Variants in TLX2 observed in about 807,000 individuals in gnomAD.
TLX2 encodes the protein T cell leukemia homeobox 2.
A neutral mutation model predicts 21.7 loss-of-function variants in TLX2; 15 were observed. The observed-to-expected ratio is 0.69, with a 90% CI of 0.46 to 1.07. The LOEUF is 1.07. Among genes scored for constraint, TLX2 ranks in the 50% least tolerant of loss-of-function variants. TLX2 has a pLI of 0.00. For missense variants in TLX2, 384 were observed against 409.1 expected (o/e 0.94, Z 0.53); for synonymous variants, 213 against 193.1 (o/e 1.10, Z -0.85).
rs776963782 is a variant in TLX2, at chr2:74,514,871, A to G, written c.65A>G (p.Asp22Gly). 3 of 1,612,926 alleles carry G rather than the reference A, an allele frequency of 1.9e-6. No individual in the cohort carries two copies. The highest frequency in any genetic ancestry group is 2.5e-6 in the Non-Finnish European group (3 of 1,179,626). ...CACGAGCCAATCAGCTTCGGCATCG[A>G]TCAGATCCTGAGCGGCCCCGAAACC... is the stretch of plus-strand genomic sequence containing the variant. ...PHHEPISFGIDQILSGPETPG... is the reference protein window; with the variant it reads ...PHHEPISFGIGQILSGPETPG... The change falls in exon 1 of 3, where the codon GAT becomes GGT. Residue 22 changes from aspartate to glycine, a missense_variant. Coordinates refer to ENST00000233638, the MANE Select transcript of TLX2 (RefSeq NM_016170.5). The surrounding 1 kb of genome is among the most constrained non-coding windows in gnomAD (Gnocchi z 5.0).
rs1674835316 is a variant in TLX2 at position 74,514,723 on chromosome 2, G to T, written c.-84G>T. On this transcript the variant is annotated 5_prime_UTR_variant, in exon 1 of 3. Transcript: ENST00000233638. This position sits in a 1 kb window ranked among gnomAD's most constrained non-coding sequence, Gnocchi z 5.0. ...CGGGCCCCTGAGGCCACTCTCCGGA[G>T]CGCGCCGCCGCTGGGCTTCTGGCGC... The T allele has an allele frequency of 3.8e-6, 6 of 1,583,012 alleles. No individual in the cohort carries two copies. Among genetic ancestry groups the T allele is most frequent in the Non-Finnish European group, 4.3e-6 (5 of 1,165,846 alleles).
Position 74,516,377 on chromosome 2 carries a change from C to A in TLX2, c.*188C>A. On this transcript the variant is annotated 3_prime_UTR_variant, in exon 3 of 3. Transcript: ENST00000233638. Reference sequence around the variant, plus strand: ...CGCAGATGCACGGCCAGCTCAGAGGCGGCCTTTCCCGCCATTTTTCACTTC... The same window carrying A: ...CGCAGATGCACGGCCAGCTCAGAGGAGGCCTTTCCCGCCATTTTTCACTTC... The A allele has an allele frequency of 2.0e-6, 3 of 1,475,364 alleles. No individual in the cohort carries two copies. The highest frequency in any genetic ancestry group is 1.8e-6 in the Non-Finnish European group (2 of 1,118,796). The allele number at this position is 1,475,364 out of a possible 1,614,324, so 91.4% of individuals were successfully genotyped here. A position where few individuals can be genotyped will look rare whatever the true frequency, so the allele number is the denominator to read the frequency against.
chr2:74,515,314 C>T lies in TLX2; in HGVS notation c.400+108C>T. On this transcript the variant is annotated intron_variant, in intron 1 of 2. Transcript: ENST00000233638. This position sits in a 1 kb window ranked among gnomAD's most constrained non-coding sequence, Gnocchi z 6.6. ...ACCCCTTTCACACCTCCCACTAGAT[C>T]CTCCCAGGGGATCCTCCCCCAACTC... 6.6e-7 allele frequency: 1 copy of T among 1,521,010 alleles called. No homozygotes were observed. Among genetic ancestry groups the T allele is most frequent in the Non-Finnish European group, 8.8e-7 (1 of 1,138,140 alleles). The allele number at this position is 1,521,010 out of a possible 1,614,324, so 94.2% of individuals were successfully genotyped here.
Position 74,516,417 on chromosome 2 carries a change from C to A in TLX2, c.*228C>A. On this transcript the variant is annotated 3_prime_UTR_variant, in exon 3 of 3. Transcript: ENST00000233638. ...TTTTTCACTTCACTGCCGTTACGCC[C>A]TCGCTGGAACCTGAGGCGCCGAGAG... 1.4e-6 allele frequency: 2 copies of A among 1,426,044 alleles called. No individual in the cohort carries two copies. Among genetic ancestry groups the A allele is most frequent in the Non-Finnish European group, 1.8e-6 (2 of 1,089,184 alleles). The allele number at this position is 1,426,044 out of a possible 1,614,324, so 88.3% of individuals were successfully genotyped here. A position where few individuals can be genotyped will look rare whatever the true frequency, so the allele number is the denominator to read the frequency against.
In TLX2 at chr2:74,516,225, C is replaced by T. The variant is rs574005520; in HGVS notation, c.*36C>T. ...TCCGATCGGCGTGGAGCGCCGGGCC[C>T]GGAGCGGTGGAGCGCGCGGCTGCCT... On this transcript the variant is annotated 3_prime_UTR_variant, in exon 3 of 3. Transcript: ENST00000233638. 3 of 1,592,364 alleles carry T rather than the reference C, an allele frequency of 1.9e-6. No individual in the cohort carries two copies. The highest frequency in any genetic ancestry group is 1.3e-5 in the African/African-American group (1 of 74,466).
rs778670163 is a variant in TLX2 at position 74,516,045 on chromosome 2, C to A, written c.711C>A (p.Asp237Glu). 1.3e-6 allele frequency: 2 copies of A among 1,575,132 alleles called. No individual in the cohort carries two copies. Among genetic ancestry groups the A allele is most frequent in the Non-Finnish European group, 1.7e-6 (2 of 1,167,484 alleles). Residue 237 changes from aspartate (D) to glutamate (E), a missense_variant, in exon 3 of 3, where the codon GAC becomes GAA. By Grantham distance (45) the Asp-to-Glu change is conservative (BLOSUM62 2). Coordinates refer to ENST00000233638, the MANE Select transcript of TLX2 (RefSeq NM_016170.5). The part of the protein sequence containing the change: ...AGRLLLHLQQ[D>E]ALPRPLRPPL... ...GGCTGCTCCTGCATCTGCAGCAGGACGCGTTGCCACGGCCGCTGCGGCCGC... is the reference window on the plus strand; with the variant it reads ...GGCTGCTCCTGCATCTGCAGCAGGAAGCGTTGCCACGGCCGCTGCGGCCGC...
In TLX2 at chr2:74,516,533, C is replaced by T. The variant is rs1002299434; in HGVS notation, c.*344C>T. ...GCTTTCCTGAGGGACTCGAAATTCT[C>T]CGGCGGGTGGTCGGGAGCTGGGGCT... On this transcript the variant is annotated 3_prime_UTR_variant, in exon 3 of 3. Transcript: ENST00000233638. The T allele has an allele frequency of 1.7e-6, 2 of 1,198,630 alleles. No homozygotes were observed. Among genetic ancestry groups the T allele is most frequent in the African/African-American group, 1.6e-5 (1 of 60,868 alleles). 74.2% of individuals were successfully genotyped at this position (1,198,630 alleles called of 1,614,324 possible).
In TLX2 at chr2:74,515,674, C is replaced by T. The variant is rs1217839303; in HGVS notation, c.442C>T (p.Pro148Ser). The T allele has an allele frequency of 6.2e-7, 1 of 1,613,770 alleles. No homozygotes were observed. The highest frequency in any genetic ancestry group is 8.5e-7 in the Non-Finnish European group (1 of 1,179,898). ...CTCTGGGACGCGCCGCATAGGCCAC[C>T]CCTACCAAAACCGGACCCCTCCGAA... is the stretch of plus-strand genomic sequence containing the variant. Reference protein sequence around the residue: ...PFSGTRRIGHPYQNRTPPKRK... With the variant: ...PFSGTRRIGHSYQNRTPPKRK... The change falls in exon 2 of 3, where the codon CCC becomes TCC. Residue 148 changes from proline (P) to serine (S), a missense_variant. Pro to Ser is a moderately conservative substitution (Grantham distance 74). Coordinates refer to ENST00000233638, the MANE Select transcript of TLX2 (RefSeq NM_016170.5). The surrounding 1 kb of genome is among the most constrained non-coding windows in gnomAD (Gnocchi z 6.6).
chr2:74,515,914 G>C lies in TLX2; in HGVS notation c.638+44G>C, dbSNP rs1674872529. 3 of 1,560,658 alleles carry C rather than the reference G, an allele frequency of 1.9e-6. No individual in the cohort carries two copies. The highest frequency in any genetic ancestry group is 2.6e-6 in the Non-Finnish European group (3 of 1,155,608). ...GAGGGCGGACTGGGGTTCCCGAGCA[G>C]GGCCTGGTGAGAAGCGACGCGGCGG... On this transcript the variant is annotated intron_variant, in intron 2 of 2. Transcript: ENST00000233638. This position sits in a 1 kb window ranked among gnomAD's most constrained non-coding sequence, Gnocchi z 6.6.
In TLX2 at chr2:74,515,952, C is replaced by A; in HGVS notation, c.639-21C>A. ...AGCGACGCGGCGGGCGCCCCGCTGA[C>A]CCCGCGTCTCCCTCCCTTAGGCGCC... On this transcript the variant is annotated intron_variant, in intron 2 of 2. Transcript: ENST00000233638. The surrounding 1 kb of genome is among the most constrained non-coding windows in gnomAD (Gnocchi z 6.6). The A allele has an allele frequency of 6.8e-7, 1 of 1,478,186 alleles. No homozygotes were observed. 91.6% of individuals were successfully genotyped at this position (1,478,186 alleles called of 1,614,324 possible).
In TLX2 at chr2:74,514,518, A is replaced by C; in HGVS notation, c.-289A>C. The C allele has an allele frequency of 7.9e-7, 1 of 1,269,868 alleles. No individual in the cohort carries two copies. The highest frequency in any genetic ancestry group is 4.4e-5 in the East Asian group (1 of 22,984). The allele number at this position is 1,269,868 out of a possible 1,614,324, so 78.7% of individuals were successfully genotyped here. A position where few individuals can be genotyped will look rare whatever the true frequency, so the allele number is the denominator to read the frequency against. On this transcript the variant is annotated 5_prime_UTR_variant, in exon 1 of 3. Transcript: ENST00000233638. The surrounding 1 kb of genome is among the most constrained non-coding windows in gnomAD (Gnocchi z 5.0). ...ACTTGGGCAGCGGCGCCGGCAGCCC[A>C]GCGTCTATTTGCGCTTAAGAGCCAG... is the stretch of plus-strand genomic sequence containing the variant.
Position 74,515,870 on chromosome 2 carries a change from G to C in TLX2, c.638G>C (p.Arg213Pro), listed in dbSNP as rs1265298025. 1 of 1,603,196 alleles carries C rather than the reference G, an allele frequency of 6.2e-7. No individual in the cohort carries two copies. The highest frequency in any genetic ancestry group is 1.3e-5 in the African/African-American group (1 of 74,580). The change falls in exon 2 of 3, where the codon CGG (arginine) becomes CCG (proline). Residue 213 changes from arginine (R) to proline (P), a missense_variant and splice_region_variant. Coordinates refer to ENST00000233638, the MANE Select transcript of TLX2 (RefSeq NM_016170.5). This position sits in a 1 kb window ranked among gnomAD's most constrained non-coding sequence, Gnocchi z 6.6. ...TTCCAGAACCGACGCACCAAGTGGC[G>C]GTGAGGCGCGGCGCGGGCGAGGGCG... Reference protein sequence around the residue: ...TWFQNRRTKWRRQTAEEREAE... With the variant: ...TWFQNRRTKWPRQTAEEREAE...
At position 74,515,585 on chromosome 2, in the gene TLX2, C is replaced by T. The variant is rs766009863; in HGVS notation, c.401-48C>T. 5 of 1,555,738 alleles carry T rather than the reference C, an allele frequency of 3.2e-6. No homozygotes were observed. Among genetic ancestry groups the T allele is most frequent in the South Asian group, 2.4e-5 (2 of 84,598 alleles). ...AGCCGCGCGGCCTTCTCAGTGGCAC[C>T]TCGGGCCACCCTGCAAATCCTGCCC... On this transcript the variant is annotated intron_variant, in intron 1 of 2. Coordinates refer to ENST00000233638, the MANE Select transcript of TLX2 (RefSeq NM_016170.5). The surrounding 1 kb of genome is among the most constrained non-coding windows in gnomAD (Gnocchi z 6.6).
In TLX2 at chr2:74,515,741, T is replaced by A; in HGVS notation, c.509T>A (p.Leu170Gln). 6.2e-7 allele frequency: 1 copy of A among 1,613,518 alleles called. No homozygotes were observed. The highest frequency in any genetic ancestry group is 8.5e-7 in the Non-Finnish European group (1 of 1,179,968). Residue 170 changes from leucine to glutamine, a missense_variant, in exon 2 of 3, where the codon CTG becomes CAG. Physicochemically the swap from Leu to Gln is moderately radical, Grantham distance 113. Coordinates refer to ENST00000233638, the MANE Select transcript of TLX2 (RefSeq NM_016170.5). This position sits in a 1 kb window ranked among gnomAD's most constrained non-coding sequence, Gnocchi z 6.6. ...PRTSFSRSQV[L>Q]ELERRFLRQK... ...ACGTCCTTCTCCCGCTCACAGGTGC[T>A]GGAGTTGGAGCGGCGCTTCCTGCGC... is the stretch of plus-strand genomic sequence containing the variant.
rs1674830063 is a variant in TLX2 at position 74,514,536 on chromosome 2, A to T, written c.-271A>T. 7.4e-7 allele frequency: 1 copy of T among 1,356,986 alleles called. No individual in the cohort carries two copies. The allele number at this position is 1,356,986 out of a possible 1,614,324, so 84.1% of individuals were successfully genotyped here. ...GCAGCCCAGCGTCTATTTGCGCTTA[A>T]GAGCCAGCAAGGAAGCTCCAGGGGC... On this transcript the variant is annotated 5_prime_UTR_variant, in exon 1 of 3. The change creates a new upstream start codon in the 5' untranslated region. Transcript: ENST00000233638. The surrounding 1 kb of genome is among the most constrained non-coding windows in gnomAD (Gnocchi z 5.0).
In TLX2 at chr2:74,514,939, G is replaced by A. The variant is rs1674843760; in HGVS notation, c.133G>A (p.Gly45Arg). 1.9e-6 allele frequency: 3 copies of A among 1,600,360 alleles called. No individual in the cohort carries two copies. Among genetic ancestry groups the A allele is most frequent in the Non-Finnish European group, 2.6e-6 (3 of 1,174,260 alleles). ...LGLGRGGQGH[G>R]ENGAFSGGYH... is the part of the protein sequence containing the mutation. ...CCTGGGTCGCGGGGGCCAGGGTCAT[G>A]GGGAGAATGGGGCGTTCTCGGGTGG... The change falls in exon 1 of 3, where the codon GGG becomes AGG. Residue 45 changes from glycine to arginine, a missense_variant. Physicochemically the swap from Gly to Arg is moderately radical, Grantham distance 125. Transcript: ENST00000233638. This position sits in a 1 kb window ranked among gnomAD's most constrained non-coding sequence, Gnocchi z 5.0.
At position 74,516,578 on chromosome 2, in the gene TLX2, T is replaced by C. The variant is rs1334491039; in HGVS notation, c.*389T>C. 8.0e-6 allele frequency: 9 copies of C among 1,119,192 alleles called. No homozygotes were observed. Among genetic ancestry groups the C allele is most frequent in the South Asian group, 7.0e-5 (4 of 56,970 alleles). 69.3% of individuals were successfully genotyped at this position (1,119,192 alleles called of 1,614,324 possible). ...GGGGCTCTGAGGGGCTCTAGCGGCG[T>C]TGCGCGCGGTGCCGGCTGGGTCTGT... is the stretch of plus-strand genomic sequence containing the variant. On this transcript the variant is annotated 3_prime_UTR_variant, in exon 3 of 3. Coordinates refer to ENST00000233638, the MANE Select transcript of TLX2 (RefSeq NM_016170.5).
rs1398229224 is a variant in TLX2 at position 74,516,001 on chromosome 2, G to A, written c.667G>A (p.Glu223Lys). Residue 223 changes from glutamate to lysine, a missense_variant, in exon 3 of 3, where the codon GAG (glutamate) becomes AAG (lysine). Transcript: ENST00000233638. ...CCAGACGGCGGAGGAGCGCGAGGCC[G>A]AGCGGCACCGCGCGGGCCGGCTGCT... is the stretch of plus-strand genomic sequence containing the variant. ...RRQTAEEREAERHRAGRLLLH... is the reference protein window; with the variant it reads ...RRQTAEEREAKRHRAGRLLLH... 6 of 1,503,238 alleles carry A rather than the reference G, an allele frequency of 4.0e-6. No individual in the cohort carries two copies. Among genetic ancestry groups the A allele is most frequent in the African/African-American group, 1.4e-5 (1 of 69,118 alleles). 93.1% of individuals were successfully genotyped at this position (1,503,238 alleles called of 1,614,324 possible). A position where few individuals can be genotyped will look rare whatever the true frequency, so the allele number is the denominator to read the frequency against.
rs140224606 is a variant in TLX2, at chr2:74,515,815, C to G, written c.583C>G (p.Arg195Gly). 1.5e-4 allele frequency: 244 copies of G among 1,612,540 alleles called. 1 individual carries two copies. The highest frequency in any genetic ancestry group is 1.9e-4 in the Non-Finnish European group (221 of 1,179,760). ...GAGGGCGGCGCTGGCCAAGGCCTTG[C>G]GCATGACCGACGCACAGGTCAAAAC... is the stretch of plus-strand genomic sequence containing the variant. ...AERAALAKAL[R>G]MTDAQVKTWF... Residue 195 changes from arginine (R) to glycine (G), a missense_variant, in exon 2 of 3, where the codon CGC becomes GGC. Coordinates refer to ENST00000233638, the MANE Select transcript of TLX2 (RefSeq NM_016170.5). This position sits in a 1 kb window ranked among gnomAD's most constrained non-coding sequence, Gnocchi z 6.6.
Sources: allele counts gnomAD v4.1 joint callset, GRCh38; gene constraint gnomAD v4.1.1; non-coding constraint Gnocchi (gnomAD v3.1); transcripts MANE v1.5; gene names NCBI Gene and HGNC (gene_info 2026-07-23, HGNC 2026-07-21).